Variants in NTM observed in about 807,000 individuals in gnomAD.
The protein encoded by NTM is neurotrimin.
In NTM, 13 loss-of-function variants were observed where a neutral mutation model predicts 42.1. The ratio of observed to expected loss-of-function variants is 0.31; its 90% CI spans 0.20 to 0.49. The LOEUF (loss-of-function observed/expected upper bound fraction) is 0.49, where lower values mean the gene tolerates loss of function less well. Among genes scored for constraint, NTM ranks in the 20% least tolerant of loss-of-function variants. The probability of loss-of-function intolerance (pLI) is 0.99; values close to 1 mark genes in which losing one functional copy is unlikely to be tolerated. For missense variants in NTM, 373 were observed against 452.8 expected (o/e 0.82, Z 1.60); for synonymous variants, 187 against 179.2 (o/e 1.04, Z -0.35).
intron 2 of NTM, among the ~76,000 whole-genome samples, chr11:132,073,643 A>T (rs2057992861): frequency 6.6e-6 from 1 of 152,142 alleles, no homozygotes; most frequent in South Asian, 2.1e-4. Flanking sequence ...TCACCAAACT[A>T]ACCATTATGG....
intron 1 of NTM, among the ~76,000 whole-genome samples, chr11:131,857,010 T>C (rs2046175938): frequency 6.6e-6 from 1 of 152,234 alleles, no homozygotes; most frequent in Non-Finnish European, 1.5e-5. Context: ...TACCTTTTTA[T>C]ATAATCTTAA....
At chr11:131,910,370 C>G (rs1011774800) in intron 1 of NTM, among the ~76,000 whole-genome samples, 1 of 152,106 alleles carries the variant, frequency 6.6e-6, no homozygotes, top group Admixed American at 6.5e-5. Context: ...GTCTTTTTTC[C>G]TAATTTGGAA....
intron 1 of NTM, among the ~76,000 whole-genome samples, chr11:131,562,899 G>A (rs1373128551): frequency 6.6e-6 from 1 of 152,148 alleles, no homozygotes; most frequent in African/African-American, 2.4e-5. Context: ...ACCATGCTTA[G>A]TGGACTGGAA....
At chr11:132,259,107 G>A (rs1449418163) in intron 4 of NTM, among the ~76,000 whole-genome samples, 2 of 152,152 alleles carry the variant, frequency 1.3e-5, no homozygotes, top group Non-Finnish European at 2.9e-5. Flanking sequence ...GGCTGTGGGA[G>A]CAGGCTGATG....
intron 2 of NTM, among the ~76,000 whole-genome samples, chr11:131,945,483 G>A (rs929562131): frequency 6.6e-6 from 1 of 152,144 alleles, no homozygotes. Flanking sequence ...AAGTTGAGGC[G>A]GGGTGAATCT....
At chr11:131,486,362 C>A (rs1489240905) in intron 1 of NTM, among the ~76,000 whole-genome samples, 1 of 152,136 alleles carries the variant, frequency 6.6e-6, no homozygotes, top group Non-Finnish European at 1.5e-5. Flanking sequence ...CCACGTTGTA[C>A]AAGAATGTAG....
In NTM at chr11:131,740,933, C is replaced by T. The variant is rs962332971; in HGVS notation, c.83-170631C>T. On this transcript the variant is annotated intron_variant, in intron 1 of 8. Coordinates refer to ENST00000683400, the MANE Select transcript of NTM (RefSeq NM_001352005.2). Reference sequence around the variant, plus strand: ...CTGTAATCCCAGCACTTTGGGAGGCCGAGGCGTACAGATCACAGGTCAGGA... The same window carrying T: ...CTGTAATCCCAGCACTTTGGGAGGCTGAGGCGTACAGATCACAGGTCAGGA... Among the ~76,000 whole-genome samples, 15 of 151,908 alleles carry T rather than the reference C, an allele frequency of 9.9e-5. No homozygotes were observed. The South Asian group carries it at 1.0e-3, about 11-fold the overall frequency.
chr11:132,072,868 T>A (rs1157544666), intron 2 of NTM, among the ~76,000 whole-genome samples: 1 of 152,102 alleles, frequency 6.6e-6, no homozygotes, highest in East Asian at 1.9e-4. Flanking sequence ...GGCCTTTTGA[T>A]TTGACTGCTG....
intron 1 of NTM, among the ~76,000 whole-genome samples, chr11:131,778,480 C>G (rs1322802284): frequency 6.6e-6 from 1 of 152,220 alleles, no homozygotes; most frequent in East Asian, 1.9e-4. Flanking sequence ...GGATTTTTTG[C>G]TTGCTATTAT....
intron 1 of NTM, chr11:131,910,726 C>T (rs2054700576): frequency 3.5e-6 from 2 of 575,582 alleles, no homozygotes; most frequent in Non-Finnish European, 2.2e-6. Flanking sequence ...AGCTACCGAG[C>T]TTGGGGCCGC....
At chr11:132,101,217 C>T (rs1454026378) in intron 2 of NTM, among the ~76,000 whole-genome samples, 4 of 152,004 alleles carry the variant, frequency 2.6e-5, no homozygotes, top group African/African-American at 4.8e-5. Flanking sequence ...TAATATTGAT[C>T]GTGCCAGTTG....
intron 1 of NTM, among the ~76,000 whole-genome samples, chr11:131,393,148 C>T (rs547050896): frequency 5.5e-4 from 83 of 152,266 alleles, no homozygotes; most frequent in African/African-American, 2.0e-3. Context: ...CTGCTGCAGC[C>T]ACCTGTTAGC....
At chr11:131,416,627 T>C (rs921677471) in intron 1 of NTM, among the ~76,000 whole-genome samples, 1 of 152,166 alleles carries the variant, frequency 6.6e-6, no homozygotes, top group African/African-American at 2.4e-5. Flanking sequence ...TAAACTTCCA[T>C]TGTGTGTGGG....
chr11:131,988,773 C>G (rs966415204), intron 2 of NTM, among the ~76,000 whole-genome samples: 3 of 152,166 alleles, frequency 2.0e-5, no homozygotes, highest in African/African-American at 7.2e-5. Flanking sequence ...AGGTAGGCAG[C>G]TGAGCTTACA....
intron 2 of NTM, among the ~76,000 whole-genome samples, chr11:132,060,287 G>A (rs1310137891): frequency 6.6e-6 from 1 of 152,248 alleles, no homozygotes; most frequent in African/African-American, 2.4e-5. Flanking sequence ...AACGGGCAAT[G>A]AAATTGTGTA....
chr11:132,139,415 G>A (rs1022411716), intron 2 of NTM, among the ~76,000 whole-genome samples: 4 of 152,194 alleles, frequency 2.6e-5, no homozygotes, highest in Non-Finnish European at 5.9e-5. Flanking sequence ...TTAAATTAGT[G>A]TTGGGCTTTT....
intron 1 of NTM, among the ~76,000 whole-genome samples, chr11:131,633,639 C>A (rs1394216415): frequency 2.6e-3 from 366 of 139,254 alleles, no homozygotes; most frequent in Non-Finnish European, 3.8e-3. Flanking sequence ...ATCTCTGCCT[C>A]TCTCTCCCTC....
chr11:131,810,243 T>C (rs865780275), intron 1 of NTM, among the ~76,000 whole-genome samples: 3 of 152,214 alleles, frequency 2.0e-5, no homozygotes, highest in African/African-American at 4.8e-5. Flanking sequence ...ACCAGCTGAA[T>C]CCCCCAAACA....
At chr11:131,751,483 G>A (rs908972690) in intron 1 of NTM, among the ~76,000 whole-genome samples, 1 of 151,934 alleles carries the variant, frequency 6.6e-6, no homozygotes, top group African/African-American at 2.4e-5. Context: ...CCAGCTACTC[G>A]GGAGGCTGAG....
Sources: allele counts gnomAD v4.1 joint callset (sites outside exome capture counted in the v4.1 genomes callset), GRCh38; gene constraint gnomAD v4.1.1; transcripts MANE v1.5; gene names NCBI Gene and HGNC (gene_info 2026-07-23, HGNC 2026-07-21).